Variants in ZNF839 observed in about 807,000 individuals in gnomAD.
ZNF839 encodes renal carcinoma antigen NY-REN-50.
Under a neutral mutation model 56.4 loss-of-function variants are expected in ZNF839, and 38 were observed. That is an observed-to-expected ratio of 0.67 (90% confidence interval 0.52 to 0.88). The LOEUF is 0.88. Among genes scored for constraint, ZNF839 ranks in the 40% least tolerant of loss-of-function variants. The pLI, the probability that ZNF839 is intolerant of heterozygous loss-of-function variation, is 0.00. For missense variants in ZNF839, 1,091 were observed against 1,177.6 expected, an observed-to-expected ratio of 0.93 and a Z score of 1.08; for synonymous variants, 486 against 493.5, an observed-to-expected ratio of 0.98 and a Z score of 0.20.
chr14:102,341,275 G>A, intron 7 of ZNF839, 48 bp from the exon 8 acceptor site: 1 of 1,492,564 alleles, frequency 6.7e-7, no homozygotes, highest in Non-Finnish European at 8.9e-7. Flanking sequence ...CAGTGAGTGG[G>A]CCATGACACA....
chr14:102,335,442 C>T (rs1597728285), intron 4 of ZNF839: 1 of 436,548 alleles, frequency 2.3e-6, no homozygotes, highest in East Asian at 4.5e-5. Context: ...TCCAGGAGCT[C>T]ACCCATGCCC....
intron 3 of ZNF839, 38 bp downstream of exon 3, chr14:102,331,884 C>T (rs1277170462): frequency 1.0e-5 from 15 of 1,488,994 alleles, no homozygotes; most frequent in African/African-American, 1.4e-5. Context: ...AAACCCGTGT[C>T]TTTAGCATGG....
chr14:102,342,269 A>G lies in ZNF839; in HGVS notation c.*90A>G. 6.7e-7 allele frequency: 1 copy of G among 1,488,654 alleles called. No individual in the cohort carries two copies. Among genetic ancestry groups the G allele is most frequent in the South Asian group, 1.4e-5 (1 of 73,726 alleles). The allele number at this position is 1,488,654 out of a possible 1,614,324, so 92.2% of individuals were successfully genotyped here. ...TGGAGTCAGATCCTAGATTCGTCTG[A>G]TTTTATCCAGAGAAGGTCTATGGCA... On this transcript the variant is annotated 3_prime_UTR_variant, in exon 8 of 8. Coordinates refer to ENST00000442396, the MANE Select transcript of ZNF839 (RefSeq NM_018335.6).
In ZNF839 at chr14:102,319,860, G is replaced by T. The variant is rs908156355; in HGVS notation, c.95G>T (p.Arg32Leu). Reference protein sequence around the residue: ...APPGQSGSVARVAPLGPEQLR... With the variant: ...APPGQSGSVALVAPLGPEQLR... ...CCGGGCCAGAGCGGCAGCGTCGCAC[G>T]TGTGGCCCCGCTGGGCCCCGAGCAG... is the stretch of plus-strand genomic sequence containing the variant. Residue 32 changes from arginine to leucine, a missense_variant, in exon 1 of 8, where the codon CGT (arginine) becomes CTT (leucine). This residue lies in a region of ZNF839 where 614 missense variants were observed against 629.2 expected (regional missense o/e 0.98). Transcript: ENST00000442396. This position sits in a 1 kb window ranked among gnomAD's most constrained non-coding sequence, Gnocchi z 4.5. 6.3e-6 allele frequency: 8 copies of T among 1,277,482 alleles called. No homozygotes were observed. The African/African-American group carries it at 1.2e-4, about 20-fold the overall frequency. The allele number at this position is 1,277,482 out of a possible 1,614,324, so 79.1% of individuals were successfully genotyped here. A position where few individuals can be genotyped will look rare whatever the true frequency, so the allele number is the denominator to read the frequency against.
chr14:102,320,054 G>T lies in ZNF839; in HGVS notation c.288+1G>T. On this transcript the variant is annotated splice_donor_variant, in intron 1 of 7. Transcript: ENST00000442396. LOFTEE classifies it high-confidence loss of function. ...CCTGCCGCGCCTGCTCCCGCCCCAG[G>T]TGAGGCGTCGGGAGGGACGTGGGGA... 1 of 1,182,510 alleles carries T rather than the reference G, an allele frequency of 8.5e-7. No homozygotes were observed. Among genetic ancestry groups the T allele is most frequent in the Non-Finnish European group, 1.0e-6 (1 of 956,478 alleles). 73.3% of individuals were successfully genotyped at this position (1,182,510 alleles called of 1,614,324 possible).
At chr14:102,341,259 TGA>T in intron 7 of ZNF839, 62 bp from the exon 8 acceptor site, 1 of 1,439,212 alleles carries the variant, frequency 6.9e-7, no homozygotes. Context: ...TTTTGGGTGG[TGA>T]GTGCAGTGAG....
In ZNF839 at chr14:102,341,538, C is replaced by G; in HGVS notation, c.2143C>G (p.Leu715Val). The G allele has an allele frequency of 6.2e-7, 1 of 1,610,722 alleles. No individual in the cohort carries two copies. Residue 715 changes from leucine to valine, a missense_variant, in exon 8 of 8, where the codon CTG becomes GTG. This residue lies in a region of ZNF839 where 431 missense variants were observed against 468.0 expected (regional missense o/e 0.92). Coordinates refer to ENST00000442396, the MANE Select transcript of ZNF839 (RefSeq NM_018335.6). ...VYAQSGEPRRLTQAQVAAFPG... is the reference protein window; with the variant it reads ...VYAQSGEPRRVTQAQVAAFPG... ...TGCTCAGTCAGGAGAGCCTAGGAGG[C>G]TGACCCAGGCACAGGTGGCAGCGTT...
chr14:102,342,042 T>C lies in ZNF839; in HGVS notation c.2647T>C (p.Ser883Pro), dbSNP rs765888706. Residue 883 changes from serine to proline, a missense_variant, in exon 8 of 8, where the codon TCT becomes CCT. Coordinates refer to ENST00000442396, the MANE Select transcript of ZNF839 (RefSeq NM_018335.6). ...EISNGSHELL[S>P]QGQKQIFIQT... Reference sequence around the variant, plus strand: ...TTCCAATGGGAGCCATGAGTTACTGTCTCAGGGACAGAAGCAGATTTTTAT... The same window carrying C: ...TTCCAATGGGAGCCATGAGTTACTGCCTCAGGGACAGAAGCAGATTTTTAT... 1 of 1,613,998 alleles carries C rather than the reference T, an allele frequency of 6.2e-7. No individual in the cohort carries two copies. The highest frequency in any genetic ancestry group is 1.7e-5 in the Admixed American group (1 of 60,022).
chr14:102,335,332 ACTCTGAGGCTG>A (rs1461603994), intron 4 of ZNF839: 1 of 214,316 alleles, frequency 4.7e-6, no homozygotes, highest in Non-Finnish European at 9.3e-6. Context: ...TTCTGAGCCC[ACTCTGAGGCTG>A]CAGCCCAGGC....
At chr14:102,318,140 G>A (rs1202916004), upstream of ZNF839, among the ~76,000 whole-genome samples, 3 of 152,204 alleles carry the variant, frequency 2.0e-5, no homozygotes, top group Non-Finnish European at 4.4e-5. Flanking sequence ...AGAGCCTGGG[G>A]CAGCTGACAC....
At chr14:102,318,425 G>A (rs1485481036), upstream of ZNF839, among the ~76,000 whole-genome samples, 2 of 152,080 alleles carry the variant, frequency 1.3e-5, no homozygotes, top group African/African-American at 2.4e-5. Flanking sequence ...CTAAGGTCAG[G>A]GTTTCAAGAC....
At chr14:102,331,525 C>CA in intron 2 of ZNF839, 97 bp from the exon 3 acceptor site, 3 of 1,084,612 alleles carry the variant, frequency 2.8e-6, no homozygotes, top group Non-Finnish European at 3.9e-6. Flanking sequence ...GCTGGGATTT[C>CA]AGGTGTGAGC....
At chr14:102,338,762 T>TG in intron 5 of ZNF839, 54 bp from the exon 6 acceptor site, 1 of 1,608,236 alleles carries the variant, frequency 6.2e-7, no homozygotes, top group Non-Finnish European at 8.5e-7. Flanking sequence ...AATGTGCTTC[T>TG]GGGGGTGTGT....
upstream of ZNF839, among the ~76,000 whole-genome samples, chr14:102,318,668 TATAAAATTC>T (rs1169525845): frequency 6.6e-6 from 1 of 151,618 alleles, no homozygotes; most frequent in Non-Finnish European, 1.5e-5. Flanking sequence ...ATACCCATAA[TATAAAATTC>T]ACCATTAAAA....
Position 102,339,219 on chromosome 14 carries a change from C to T in ZNF839, c.1923C>T (p.Ala641=), listed in dbSNP as rs199523800. The T allele has an allele frequency of 3.4e-4, 544 of 1,610,188 alleles. 1 individual carries two copies. The highest frequency in any genetic ancestry group is 5.6e-4 in the Admixed American group (33 of 59,360). ...REKPRPLHAL[A]AGFSPPVNVT... is the part of the protein sequence containing the mutation. ...AGCCCAGGCCCTTGCATGCTTTGGCCGCTGGTGAGGGTAAAATGCTGTTTG... is the reference window on the plus strand; with the variant it reads ...AGCCCAGGCCCTTGCATGCTTTGGCTGCTGGTGAGGGTAAAATGCTGTTTG... Residue 641 remains alanine (A), a synonymous_variant, in exon 7 of 8, where the codon GCC becomes GCT. Transcript: ENST00000442396.
rs1886537793 is a variant in ZNF839 at position 102,341,668 on chromosome 14, C to T, written c.2273C>T (p.Ser758Phe). 3.7e-6 allele frequency: 6 copies of T among 1,613,878 alleles called. No individual in the cohort carries two copies. Among genetic ancestry groups the T allele is most frequent in the Non-Finnish European group, 5.1e-6 (6 of 1,179,886 alleles). The change falls in exon 8 of 8, where the codon TCC becomes TTC. Residue 758 changes from serine (S) to phenylalanine (F), a missense_variant. Physicochemically the swap from Ser to Phe is radical, Grantham distance 155 (BLOSUM62 -2). Transcript: ENST00000442396. The part of the protein sequence containing the change: ...SPLSSGGGAE[S>F]LPPGGPGHAE... ...TTGTCATCTGGTGGTGGAGCAGAGT[C>T]CCTGCCGCCTGGGGGGCCTGGACAT...
At position 102,341,931 on chromosome 14, in the gene ZNF839, C is replaced by T. The variant is rs200295748; in HGVS notation, c.2536C>T (p.Arg846Trp). 8.7e-5 allele frequency: 140 copies of T among 1,613,892 alleles called. 1 individual carries two copies. The highest frequency in any genetic ancestry group is 3.3e-5 in the South Asian group (3 of 91,088). Residue 846 changes from arginine (R) to tryptophan (W), a missense_variant, in exon 8 of 8, where the codon CGG becomes TGG. Around this residue, in one of 3 missense-constraint regions of ZNF839, gnomAD observed 431 missense variants for 468.0 expected, o/e 0.92. Coordinates refer to ENST00000442396, the MANE Select transcript of ZNF839 (RefSeq NM_018335.6). ...CAGAAGCCTTTCGGGGGACTTGAAC[C>T]GGTTCCCCTGTGGGATGGAGGTGCA... Reference protein sequence around the residue: ...CLRSLSGDLNRFPCGMEVHSG... With the variant: ...CLRSLSGDLNWFPCGMEVHSG...
chr14:102,318,648 T>A (rs985193146), upstream of ZNF839, among the ~76,000 whole-genome samples: 4 of 146,622 alleles, frequency 2.7e-5, no homozygotes, highest in African/African-American at 1.0e-4. Flanking sequence ...AAAAAAAAAA[T>A]TGTGGTAAGA....
chr14:102,322,514 T>A (rs1346039630), intron 1 of ZNF839, among the ~76,000 whole-genome samples: 5 of 152,232 alleles, frequency 3.3e-5, no homozygotes, highest in African/African-American at 1.2e-4. Flanking sequence ...AGTCTGGCTT[T>A]GCCGCTGTGG....
Sources: gnomAD v4.1 joint callset for allele counts (sites outside exome capture counted in the v4.1 genomes callset) on GRCh38, gnomAD v4.1.1 for gene constraint, gnomAD v4.1.1 regional missense constraint, Gnocchi (gnomAD v3.1) non-coding constraint, MANE v1.5 for transcripts, NCBI Gene and HGNC (gene_info 2026-07-23, HGNC 2026-07-21) for gene names.